Variants in REP15 observed in about 807,000 individuals in gnomAD.
The protein encoded by REP15 is RAB15 effector protein.
REP15 carries 1 observed loss-of-function variant against 1.1 expected under a neutral mutation model. The ratio of observed to expected loss-of-function variants is 0.89; its 90% CI spans 0.32 to 4.24. REP15 has a LOEUF of 4.24. Among genes scored for constraint, REP15 ranks in the 30% most tolerant of loss-of-function variants. The pLI, the probability that REP15 is intolerant of heterozygous loss-of-function variation, is 0.17. For missense variants in REP15, 246 were observed against 271.9 expected, an observed-to-expected ratio of 0.90 and a Z score of 0.67; for synonymous variants, 100 against 99.7, an observed-to-expected ratio of 1.00 and a Z score of -0.02.
chr12:27,697,300 T>G lies in REP15; in HGVS notation c.*27T>G. Reference sequence around the variant, plus strand: ...TTGGATATGTATTATGTGAGTGGCCTGTAAGAGGAAAAGAAAAAAAGATTC... The same window carrying G: ...TTGGATATGTATTATGTGAGTGGCCGGTAAGAGGAAAAGAAAAAAAGATTC... On this transcript the variant is annotated 3_prime_UTR_variant, in exon 1 of 1. Transcript: ENST00000310791. 3.0e-6 allele frequency: 4 copies of G among 1,347,300 alleles called. No individual in the cohort carries two copies. Among genetic ancestry groups the G allele is most frequent in the Non-Finnish European group, 3.1e-6 (3 of 962,778 alleles). 83.5% of individuals were successfully genotyped at this position (1,347,300 alleles called of 1,614,324 possible).
Position 27,697,177 on chromosome 12 carries a change from T to C in REP15, c.615T>C (p.Thr205=), listed in dbSNP as rs765815617. 1.9e-6 allele frequency: 3 copies of C among 1,614,096 alleles called. No homozygotes were observed. The highest frequency in any genetic ancestry group is 1.7e-5 in the Admixed American group (1 of 60,018). Residue 205 remains threonine (T), a synonymous_variant, in exon 1 of 1, where the codon ACT becomes ACC. Coordinates refer to ENST00000310791, the MANE Select transcript of REP15 (RefSeq NM_001029874.3). ...CTGTGGCTCAGTTTGTCCTGGAAAC[T>C]GAAGATTGTGTGTTCATCAAAGAGC... The part of the protein sequence containing the change: ...GKAVAQFVLE[T]EDCVFIKELL...
chr12:27,696,457 A>G lies in REP15; in HGVS notation c.-106A>G. On this transcript the variant is annotated 5_prime_UTR_variant, in exon 1 of 1. Transcript: ENST00000310791. ...ACACCCGAGGAAGCTGTAGAGTTAG[A>G]AAAACATGAACCATTAACAGATGTG... is the stretch of plus-strand genomic sequence containing the variant. 1.2e-6 allele frequency: 1 copy of G among 800,184 alleles called. No individual in the cohort carries two copies. Among genetic ancestry groups the G allele is most frequent in the East Asian group, 2.7e-5 (1 of 37,146 alleles). 49.6% of individuals were successfully genotyped at this position (800,184 alleles called of 1,614,324 possible). A position where few individuals can be genotyped will look rare whatever the true frequency, so the allele number is the denominator to read the frequency against.
At position 27,697,143 on chromosome 12, in the gene REP15, G is replaced by A. The variant is rs1283073605; in HGVS notation, c.581G>A (p.Gly194Glu). ...CAGATGGTGAGGAGCCATCTGCCAG[G>A]AGGGAAGGCTGTGGCTCAGTTTGTC... ...KSQMVRSHLP[G>E]GKAVAQFVLE... The change falls in exon 1 of 1, where the codon GGA (glycine) becomes GAA (glutamate). Residue 194 changes from glycine (G) to glutamate (E), a missense_variant. Physicochemically the swap from Gly to Glu is moderately conservative, Grantham distance 98 (BLOSUM62 -2). Coordinates refer to ENST00000310791, the MANE Select transcript of REP15 (RefSeq NM_001029874.3). 6.2e-7 allele frequency: 1 copy of A among 1,613,962 alleles called. No individual in the cohort carries two copies. Among genetic ancestry groups the A allele is most frequent in the Non-Finnish European group, 8.5e-7 (1 of 1,179,848 alleles).
In REP15 at chr12:27,697,150, G is replaced by A; in HGVS notation, c.588G>A (p.Lys196=). 6.2e-7 allele frequency: 1 copy of A among 1,614,078 alleles called. No individual in the cohort carries two copies. The highest frequency in any genetic ancestry group is 8.5e-7 in the Non-Finnish European group (1 of 1,179,948). Residue 196 remains lysine, a synonymous_variant, in exon 1 of 1, where the codon AAG becomes AAA. Coordinates refer to ENST00000310791, the MANE Select transcript of REP15 (RefSeq NM_001029874.3). The part of the protein sequence containing the change: ...QMVRSHLPGG[K]AVAQFVLETE... ...TGAGGAGCCATCTGCCAGGAGGGAA[G>A]GCTGTGGCTCAGTTTGTCCTGGAAA... is the stretch of plus-strand genomic sequence containing the variant.
At position 27,696,954 on chromosome 12, in the gene REP15, CAGAATCAAGGGTAGAGG is replaced by C; in HGVS notation, c.395_411del (p.Glu132ValfsTer7). 1 of 1,614,148 alleles carries C rather than the reference CAGAATCAAGGGTAGAGG, an allele frequency of 6.2e-7. No individual in the cohort carries two copies. Among genetic ancestry groups the C allele is most frequent in the Non-Finnish European group, 8.5e-7 (1 of 1,180,004 alleles). The stretch of plus-strand genomic sequence containing the variant: ...TCTAAGCCTTGTGACCTTTCCAATC[CAGAATCAAGGGTAGAGG>C]AGTCTTCCTGGAAGAAAAGTAGATT... On this transcript the variant is annotated frameshift_variant, in exon 1 of 1. Coordinates refer to ENST00000310791, the MANE Select transcript of REP15 (RefSeq NM_001029874.3). LOFTEE classifies it low-confidence loss of function (END_TRUNC).
At position 27,697,162 on chromosome 12, in the gene REP15, G is replaced by A. The variant is rs766725937; in HGVS notation, c.600G>A (p.Gln200=). ...TGCCAGGAGGGAAGGCTGTGGCTCA[G>A]TTTGTCCTGGAAACTGAAGATTGTG... The part of the protein sequence containing the change: ...SHLPGGKAVA[Q]FVLETEDCVF... Residue 200 remains glutamine (Q), a synonymous_variant, in exon 1 of 1, where the codon CAG becomes CAA. Transcript: ENST00000310791. 2 of 1,614,118 alleles carry A rather than the reference G, an allele frequency of 1.2e-6. No individual in the cohort carries two copies. The highest frequency in any genetic ancestry group is 2.2e-5 in the South Asian group (2 of 91,082).
chr12:27,696,781 T>G lies in REP15; in HGVS notation c.219T>G (p.Asp73Glu), dbSNP rs776557610. ...FITFCQEKGV[D>E]EWLTTTKMTK... is the part of the protein sequence containing the mutation. ...CTTTCTGCCAAGAAAAGGGAGTTGA[T>G]GAGTGGCTGACCACCACCAAGATGA... Residue 73 changes from aspartate to glutamate, a missense_variant, in exon 1 of 1, where the codon GAT (aspartate) becomes GAG (glutamate). Coordinates refer to ENST00000310791, the MANE Select transcript of REP15 (RefSeq NM_001029874.3). 1 of 1,614,128 alleles carries G rather than the reference T, an allele frequency of 6.2e-7. No individual in the cohort carries two copies. Among genetic ancestry groups the G allele is most frequent in the Admixed American group, 1.7e-5 (1 of 60,024 alleles).
In REP15 at chr12:27,696,777, T is replaced by C; in HGVS notation, c.215T>C (p.Val72Ala). 3 of 1,613,774 alleles carry C rather than the reference T, an allele frequency of 1.9e-6. No homozygotes were observed. The highest frequency in any genetic ancestry group is 2.5e-6 in the Non-Finnish European group (3 of 1,179,842). ...HFITFCQEKG[V>A]DEWLTTTKMT... ...ATCACTTTCTGCCAAGAAAAGGGAG[T>C]TGATGAGTGGCTGACCACCACCAAG... The change falls in exon 1 of 1, where the codon GTT becomes GCT. Residue 72 changes from valine (V) to alanine (A), a missense_variant. Val to Ala is a moderately conservative substitution (Grantham distance 64). Coordinates refer to ENST00000310791, the MANE Select transcript of REP15 (RefSeq NM_001029874.3).
At position 27,696,774 on chromosome 12, in the gene REP15, G is replaced by T. The variant is rs774390134; in HGVS notation, c.212G>T (p.Gly71Val). The change falls in exon 1 of 1, where the codon GGA becomes GTA. Residue 71 changes from glycine to valine, a missense_variant. Coordinates refer to ENST00000310791, the MANE Select transcript of REP15 (RefSeq NM_001029874.3). ...IHFITFCQEK[G>V]VDEWLTTTKM... ...TTCATCACTTTCTGCCAAGAAAAGG[G>T]AGTTGATGAGTGGCTGACCACCACC... is the stretch of plus-strand genomic sequence containing the variant. 1 of 1,614,006 alleles carries T rather than the reference G, an allele frequency of 6.2e-7. No homozygotes were observed. The highest frequency in any genetic ancestry group is 8.5e-7 in the Non-Finnish European group (1 of 1,179,916).
chr12:27,697,444 A>G lies in REP15; in HGVS notation c.*171A>G, dbSNP rs1311663636. 1 of 473,726 alleles carries G rather than the reference A, an allele frequency of 2.1e-6. No homozygotes were observed. Among genetic ancestry groups the G allele is most frequent in the Non-Finnish European group, 3.8e-6 (1 of 261,920 alleles). The allele number at this position is 473,726 out of a possible 1,614,324, so 29.3% of individuals were successfully genotyped here. A position where few individuals can be genotyped will look rare whatever the true frequency, so the allele number is the denominator to read the frequency against. On this transcript the variant is annotated 3_prime_UTR_variant, in exon 1 of 1. Coordinates refer to ENST00000310791, the MANE Select transcript of REP15 (RefSeq NM_001029874.3). ...ACATTCATGTCGCAATTACAGAGAG[A>G]GAGAGAAAAAAAGAAAACCCTGGCT...
chr12:27,696,690 A>G lies in REP15; in HGVS notation c.128A>G (p.Tyr43Cys). The change falls in exon 1 of 1, where the codon TAT (tyrosine) becomes TGT (cysteine). Residue 43 changes from tyrosine to cysteine, a missense_variant. Coordinates refer to ENST00000310791, the MANE Select transcript of REP15 (RefSeq NM_001029874.3). ...QKLKEYLGFE[Y>C]PPSKLCPAAN... ...CTGAAGGAGTACCTTGGATTTGAAT[A>G]TCCTCCAAGTAAACTCTGCCCAGCT... 1.2e-6 allele frequency: 2 copies of G among 1,614,048 alleles called. No individual in the cohort carries two copies. The highest frequency in any genetic ancestry group is 1.7e-6 in the Non-Finnish European group (2 of 1,179,930).
In REP15 at chr12:27,697,429, C is replaced by A. The variant is rs1210964076; in HGVS notation, c.*156C>A. 69 of 525,950 alleles carry A rather than the reference C, an allele frequency of 1.3e-4. 1 individual carries two copies. Among genetic ancestry groups the A allele is most frequent in the Non-Finnish European group, 1.4e-5 (4 of 292,052 alleles). 32.6% of individuals were successfully genotyped at this position (525,950 alleles called of 1,614,324 possible). A position where few individuals can be genotyped will look rare whatever the true frequency, so the allele number is the denominator to read the frequency against. ...TACTGGGATCAAAGTACATTCATGT[C>A]GCAATTACAGAGAGAGAGAGAAAAA... On this transcript the variant is annotated 3_prime_UTR_variant, in exon 1 of 1. Coordinates refer to ENST00000310791, the MANE Select transcript of REP15 (RefSeq NM_001029874.3).
rs2061728954 is a variant in REP15, at chr12:27,696,506, T to C, written c.-57T>C. 1.4e-6 allele frequency: 2 copies of C among 1,400,728 alleles called. No individual in the cohort carries two copies. Among genetic ancestry groups the C allele is most frequent in the Non-Finnish European group, 1.9e-6 (2 of 1,032,708 alleles). The allele number at this position is 1,400,728 out of a possible 1,614,324, so 86.8% of individuals were successfully genotyped here. Reference sequence around the variant, plus strand: ...TGGCCTCCCTGCAGAACTTTTACTTTGAAAAAGAAGTACGTCTGAACCAGA... The same window carrying C: ...TGGCCTCCCTGCAGAACTTTTACTTCGAAAAAGAAGTACGTCTGAACCAGA... On this transcript the variant is annotated 5_prime_UTR_variant, in exon 1 of 1. Coordinates refer to ENST00000310791, the MANE Select transcript of REP15 (RefSeq NM_001029874.3).
Position 27,696,716 on chromosome 12 carries a change from G to C in REP15, c.154G>C (p.Ala52Pro). ...EYPPSKLCPA[A>P]NTLNEIFLIH... ...TCCTCCAAGTAAACTCTGCCCAGCT[G>C]CAAATACTCTGAATGAGATCTTCTT... Residue 52 changes from alanine (A) to proline (P), a missense_variant, in exon 1 of 1, where the codon GCA becomes CCA. Coordinates refer to ENST00000310791, the MANE Select transcript of REP15 (RefSeq NM_001029874.3). 1 of 1,614,152 alleles carries C rather than the reference G, an allele frequency of 6.2e-7. No individual in the cohort carries two copies. The highest frequency in any genetic ancestry group is 8.5e-7 in the Non-Finnish European group (1 of 1,180,020).
At position 27,696,564 on chromosome 12, in the gene REP15, TGGGGCAGAA is replaced by T. The variant is rs745476138; in HGVS notation, c.3_11del (p.MetGlyGlnLys1_?4). The T allele has an allele frequency of 1.3e-5, 20 of 1,588,436 alleles. No individual in the cohort carries two copies. On this transcript the variant is annotated start_lost and inframe_deletion, in exon 1 of 1. Coordinates refer to ENST00000310791, the MANE Select transcript of REP15 (RefSeq NM_001029874.3). ...GTTTGATATTTGGATGCAGAGAAAA[TGGGGCAGAA>T]AGCATCGCAACAGTTGGCTCTGAAG...
At position 27,696,725 on chromosome 12, in the gene REP15, C is replaced by G. The variant is rs751245412; in HGVS notation, c.163C>G (p.Leu55Val). ...TAAACTCTGCCCAGCTGCAAATACT[C>G]TGAATGAGATCTTCTTAATCCATTT... ...PSKLCPAANT[L>V]NEIFLIHFIT... Residue 55 changes from leucine to valine, a missense_variant, in exon 1 of 1, where the codon CTG becomes GTG. Physicochemically the swap from Leu to Val is conservative, Grantham distance 32. Transcript: ENST00000310791. 1.9e-6 allele frequency: 3 copies of G among 1,614,202 alleles called. No homozygotes were observed. The highest frequency in any genetic ancestry group is 1.7e-6 in the Non-Finnish European group (2 of 1,180,040).
At position 27,696,965 on chromosome 12, in the gene REP15, G is replaced by A; in HGVS notation, c.403G>A (p.Val135Ile). ...TGACCTTTCCAATCCAGAATCAAGG[G>A]TAGAGGAGTCTTCCTGGAAGAAAAG... ...PCDLSNPESR[V>I]EESSWKKSRF... The change falls in exon 1 of 1, where the codon GTA becomes ATA. Residue 135 changes from valine to isoleucine, a missense_variant. Transcript: ENST00000310791. 2 of 1,614,178 alleles carry A rather than the reference G, an allele frequency of 1.2e-6. No individual in the cohort carries two copies. The highest frequency in any genetic ancestry group is 1.7e-6 in the Non-Finnish European group (2 of 1,180,000).
chr12:27,697,531 TATTC>T lies in REP15; in HGVS notation c.*260_*263del. On this transcript the variant is annotated 3_prime_UTR_variant, in exon 1 of 1. Transcript: ENST00000310791. ...AATTTAGTTTAATATTTCATTCACT[TATTC>T]AATAATAAAAATGGAAGAGAGATAA... 6.5e-6 allele frequency: 2 copies of T among 305,940 alleles called. No individual in the cohort carries two copies. Among genetic ancestry groups the T allele is most frequent in the Non-Finnish European group, 1.3e-5 (2 of 157,734 alleles). The allele number at this position is 305,940 out of a possible 1,614,324, so 19.0% of individuals were successfully genotyped here.
chr12:27,697,333 C>A lies in REP15; in HGVS notation c.*60C>A. 1 of 1,003,850 alleles carries A rather than the reference C, an allele frequency of 1.0e-6. No homozygotes were observed. Among genetic ancestry groups the A allele is most frequent in the Non-Finnish European group, 1.5e-6 (1 of 665,428 alleles). 62.2% of individuals were successfully genotyped at this position (1,003,850 alleles called of 1,614,324 possible). A position where few individuals can be genotyped will look rare whatever the true frequency, so the allele number is the denominator to read the frequency against. ...GAAAAGAAAAAAAGATTCTAATAAG[C>A]AAGCTCACCTATTTGCATCATTCCA... On this transcript the variant is annotated 3_prime_UTR_variant, in exon 1 of 1. Transcript: ENST00000310791.
Sources: allele counts gnomAD v4.1 joint callset, GRCh38; gene constraint gnomAD v4.1.1; transcripts MANE v1.5; gene names NCBI Gene and HGNC (gene_info 2026-07-23, HGNC 2026-07-21).